SDK1: variants seen among roughly 807,000 people sequenced by gnomAD.
The protein encoded by SDK1 is sidekick cell adhesion molecule 1.
Under a neutral mutation model 245.5 loss-of-function variants are expected in SDK1, and 157 were observed. That is an observed-to-expected ratio of 0.64 (90% CI 0.56 to 0.73). The LOEUF is 0.73. Among genes scored for constraint, SDK1 ranks in the 30% least tolerant of loss-of-function variants. The pLI is 0.00. For synonymous variants in SDK1, 1,647 were observed against 1,278.5 expected, an observed-to-expected ratio of 1.29 and a Z score of -6.15; for missense variants, 3,583 against 3,002.3, an observed-to-expected ratio of 1.19 and a Z score of -4.52.
At chr7:3,539,076 A>G (rs1359236101) in intron 1 of SDK1, among the ~76,000 whole-genome samples, 1 of 152,188 alleles carries the variant, frequency 6.6e-6, no homozygotes, top group East Asian at 1.9e-4. Flanking sequence ...ATCATTATGC[A>G]GACAAGAAGA....
intron 1 of SDK1, among the ~76,000 whole-genome samples, chr7:3,568,157 G>A (rs764659164): frequency 3.3e-5 from 5 of 152,158 alleles, no homozygotes; most frequent in African/African-American, 4.8e-5. Flanking sequence ...TAAGAGATTT[G>A]TTGTTTGAAC....
chr7:3,997,100 T>G (rs1305182105), intron 14 of SDK1, among the ~76,000 whole-genome samples: 1 of 152,244 alleles, frequency 6.6e-6, no homozygotes, highest in Non-Finnish European at 1.5e-5. Context: ...TAACCCCTTC[T>G]TCTGACTTCT....
intron 4 of SDK1, among the ~76,000 whole-genome samples, chr7:3,666,194 C>T (rs578198436): frequency 1.4e-4 from 22 of 152,262 alleles, no homozygotes; most frequent in African/African-American, 4.6e-4. Context: ...TAGTAGTTTC[C>T]GGGCCTCAAG....
chr7:4,156,258 G>A (rs563385698), intron 30 of SDK1, among the ~76,000 whole-genome samples: 4 of 152,288 alleles, frequency 2.6e-5, no homozygotes, highest in African/African-American at 7.2e-5. Context: ...CAGGGAGGTC[G>A]TGGGAGAAGA....
chr7:3,597,289 A>G (rs1781098601), intron 1 of SDK1, among the ~76,000 whole-genome samples: 1 of 151,794 alleles, frequency 6.6e-6, no homozygotes. Flanking sequence ...AAAAAAAAAA[A>G]AAAGAGGATG....
At chr7:3,321,817 CT>C in intron 1 of SDK1, among the ~76,000 whole-genome samples, 3 of 125,836 alleles carry the variant, frequency 2.4e-5, no homozygotes, top group Admixed American at 8.1e-5. Context: ...TCCTTCCTTC[CT>C]TCCTTCCTTC....
intron 1 of SDK1, among the ~76,000 whole-genome samples, chr7:3,373,364 C>T (rs1781274108): frequency 1.3e-5 from 2 of 152,198 alleles, no homozygotes; most frequent in South Asian, 4.1e-4. Context: ...AATTGCAAGT[C>T]AGGTTCTCTC....
chr7:3,697,638 A>C (rs563270154), intron 4 of SDK1, among the ~76,000 whole-genome samples: 2 of 152,270 alleles, frequency 1.3e-5, no homozygotes, highest in South Asian at 2.1e-4. Flanking sequence ...GCCTTAAGCA[A>C]GATGTGCAAA....
At chr7:3,551,816 C>A (rs2128623320) in intron 1 of SDK1, among the ~76,000 whole-genome samples, 1 of 152,108 alleles carries the variant, frequency 6.6e-6, no homozygotes, top group Admixed American at 6.5e-5. Context: ...GTTGAGATTA[C>A]AGGCATGAGC....
intron 1 of SDK1, among the ~76,000 whole-genome samples, chr7:3,500,362 C>G (rs1449324271): frequency 1.3e-5 from 2 of 152,008 alleles, no homozygotes; most frequent in African/African-American, 2.4e-5. Flanking sequence ...TCTTTGAGAT[C>G]TTGTAAATTC....
chr7:4,195,625 C>T (rs1783532387), intron 35 of SDK1, among the ~76,000 whole-genome samples: 1 of 152,294 alleles, frequency 6.6e-6, no homozygotes, highest in East Asian at 1.9e-4. Context: ...GTGTAGTAGC[C>T]AAGAGCAAGC....
At chr7:3,491,995 C>G (rs562341676) in intron 1 of SDK1, among the ~76,000 whole-genome samples, 10 of 152,288 alleles carry the variant, frequency 6.6e-5, no homozygotes, top group African/African-American at 2.2e-4. Flanking sequence ...ATATGGAACA[C>G]ATTACGTTTT....
At chr7:3,692,437 A>T (rs2114997215) in intron 4 of SDK1, among the ~76,000 whole-genome samples, 1 of 152,264 alleles carries the variant, frequency 6.6e-6, no homozygotes, top group Admixed American at 6.5e-5. Flanking sequence ...TATTCTCTTT[A>T]AATGATCATT....
chr7:3,499,981 C>T (rs17133464), intron 1 of SDK1, among the ~76,000 whole-genome samples: 4,898 of 152,126 alleles, frequency 0.032, 272 homozygotes, highest in African/African-American at 0.11. Flanking sequence ...TGGGAATTGA[C>T]GGAGATAGAG....
rs755839053 is a variant in SDK1 at position 4,012,155 on chromosome 7, G to C, written c.2340G>C (p.Arg780=). ...CGAAAAATATAGTGGCCAGTGGGCG[G>C]ACTAATCAGTCCATTATGGTCCAGT... ...APPKNIVASG[R]TNQSIMVQWQ... is the part of the protein sequence containing the mutation. Residue 780 remains arginine (R), a synonymous_variant, in exon 16 of 45, where the codon CGG becomes CGC. Transcript: ENST00000404826. 3 of 1,579,782 alleles carry C rather than the reference G, an allele frequency of 1.9e-6. No individual in the cohort carries two copies. In the South Asian group the frequency reaches 3.5e-5, roughly 18 times the overall value.
At chr7:4,052,780 G>C (rs1417800653) in intron 19 of SDK1, among the ~76,000 whole-genome samples, 2 of 152,034 alleles carry the variant, frequency 1.3e-5, no homozygotes, top group Non-Finnish European at 2.9e-5. Context: ...TACTCCCTCT[G>C]TAATGAAAGT....
chr7:4,015,325 C>T (rs1008819944), intron 16 of SDK1, among the ~76,000 whole-genome samples: 12 of 152,148 alleles, frequency 7.9e-5, no homozygotes, highest in African/African-American at 2.9e-4. Flanking sequence ...CATGAGGAAT[C>T]CTTCTTAAAC....
chr7:4,174,808 A>G (rs1367679078), intron 33 of SDK1, among the ~76,000 whole-genome samples: 3 of 152,034 alleles, frequency 2.0e-5, no homozygotes, highest in Admixed American at 6.5e-5. Context: ...GCACTGCGCC[A>G]TGATCGTTGC....
intron 21 of SDK1, among the ~76,000 whole-genome samples, chr7:4,077,621 C>A (rs1422642064): frequency 6.6e-6 from 1 of 152,164 alleles, no homozygotes; most frequent in African/African-American, 2.4e-5. Flanking sequence ...GTTGGGGAGG[C>A]CTCACAATCA....
Sources: gnomAD v4.1 joint callset for allele counts (sites outside exome capture counted in the v4.1 genomes callset) on GRCh38, gnomAD v4.1.1 for gene constraint, MANE v1.5 for transcripts, NCBI Gene and HGNC (gene_info 2026-07-23, HGNC 2026-07-21) for gene names.